The following CLEC4A variants were observed in gnomAD, a reference collection of about 807,000 sequenced individuals.
CLEC4A encodes the protein C-type (calcium dependent, carbohydrate-recognition domain) lectin, superfamily member 6.
In CLEC4A, 27 loss-of-function variants were observed where a neutral mutation model predicts 32.7. That is an observed-to-expected ratio of 0.83 (90% CI 0.61 to 1.14). CLEC4A has a LOEUF of 1.14. CLEC4A is among the 50% of genes most tolerant of loss of function. CLEC4A has a pLI of 0.00. For missense variants in CLEC4A, 253 were observed against 274.6 expected (o/e 0.92, Z 0.55); for synonymous variants, 89 against 93.7 (o/e 0.95, Z 0.29).
rs1407105516 is a variant in CLEC4A at position 8,134,153 on chromosome 12, C to T, written c.299-1432C>T. On this transcript the variant is annotated intron_variant, in intron 3 of 5. Transcript: ENST00000229332. ...TCTCACTTGGTTCTCGATACTGGTTCGCTTTCTCTTTCGGGCCTGCACGAG... is the reference window on the plus strand; with the variant it reads ...TCTCACTTGGTTCTCGATACTGGTTTGCTTTCTCTTTCGGGCCTGCACGAG... The T allele has an allele frequency of 3.0e-5, 48 of 1,607,316 alleles. 1 individual carries two copies. In the South Asian group the frequency reaches 4.9e-4, roughly 16 times the overall value.
At chr12:8,134,677 C>T (rs749039342) in intron 3 of CLEC4A, 4 of 1,581,414 alleles carry the variant, frequency 2.5e-6, no homozygotes, top group South Asian at 2.3e-5. Context: ...GGGGGAATCC[C>T]CCACTCCTCA....
At chr12:8,105,973 C>T in the CLEC4A span, among the ~76,000 whole-genome samples, 1 of 152,042 alleles carries the variant, frequency 6.6e-6, no homozygotes, top group Admixed American at 6.5e-5. Flanking sequence ...ATTCCTATGT[C>T]CAGAATGATA....
the CLEC4A span, among the ~76,000 whole-genome samples, chr12:8,113,026 T>G: frequency 6.6e-6 from 1 of 152,004 alleles, no homozygotes. Flanking sequence ...TGCAGGTTTG[T>G]TACATATGTA....
At chr12:8,112,691 T>C in the CLEC4A span, among the ~76,000 whole-genome samples, 21 of 152,292 alleles carry the variant, frequency 1.4e-4, no homozygotes, top group Middle Eastern at 3.4e-3. Context: ...AGTATTTCTT[T>C]GGAGTGGTTT....
At chr12:8,116,530 C>T in the CLEC4A span, among the ~76,000 whole-genome samples, 4 of 152,170 alleles carry the variant, frequency 2.6e-5, no homozygotes, top group Non-Finnish European at 5.9e-5. Context: ...GTTTATGACC[C>T]ATCTGTATTG....
At position 8,138,339 on chromosome 12, in the gene CLEC4A, G is replaced by A. The variant is rs761002118; in HGVS notation, c.*52G>A. ...TTGGATTGGTATCTGTCATTGTAGGGATAGATAATAAGCTCTTCTTATTCA... is the reference window on the plus strand; with the variant it reads ...TTGGATTGGTATCTGTCATTGTAGGAATAGATAATAAGCTCTTCTTATTCA... On this transcript the variant is annotated 3_prime_UTR_variant, in exon 6 of 6. Transcript: ENST00000229332. The A allele has an allele frequency of 6.2e-7, 1 of 1,601,744 alleles. No homozygotes were observed. The highest frequency in any genetic ancestry group is 8.5e-7 in the Non-Finnish European group (1 of 1,171,664).
the CLEC4A span, among the ~76,000 whole-genome samples, chr12:8,105,683 A>G: frequency 5.3e-5 from 8 of 152,058 alleles, no homozygotes; most frequent in African/African-American, 1.7e-4. Flanking sequence ...CTTGTTGGCC[A>G]TGTGTCTTCT....
the CLEC4A span, among the ~76,000 whole-genome samples, chr12:8,106,403 A>G: frequency 6.6e-6 from 1 of 152,158 alleles, no homozygotes; most frequent in African/African-American, 2.4e-5. Flanking sequence ...ATTTTAGAAT[A>G]GTTTTAAAAA....
intron 1 of CLEC4A, 28 bp from the exon 2 acceptor site, chr12:8,125,533 G>C: frequency 7.3e-7 from 1 of 1,361,434 alleles, no homozygotes; most frequent in Non-Finnish European, 1.1e-6. Flanking sequence ...ACTTATTACT[G>C]ATAAAACTAA....
the CLEC4A span, among the ~76,000 whole-genome samples, chr12:8,110,620 C>T: frequency 2.1e-4 from 32 of 152,118 alleles, no homozygotes; most frequent in African/African-American, 7.0e-4. Flanking sequence ...CAGTGTATAA[C>T]GGGGTCTTGT....
intron 2 of CLEC4A, among the ~76,000 whole-genome samples, chr12:8,128,498 C>T (rs939570368): frequency 1.9e-4 from 29 of 152,042 alleles, no homozygotes; most frequent in African/African-American, 7.0e-4. Context: ...GCAACCTCCG[C>T]CTCCCAGGTT....
upstream of CLEC4A, among the ~76,000 whole-genome samples, chr12:8,119,382 G>A (rs1267571751): frequency 4.6e-5 from 7 of 152,020 alleles, no homozygotes; most frequent in Admixed American, 2.0e-4. Context: ...GCACCACCAC[G>A]CCTGGCTAAT....
chr12:8,113,995 T>C, the CLEC4A span, among the ~76,000 whole-genome samples: 31 of 152,250 alleles, frequency 2.0e-4, no homozygotes, highest in South Asian at 3.9e-3. Context: ...CAGGGGGCAT[T>C]CGTACTTGTA....
chr12:8,114,403 C>G, the CLEC4A span, among the ~76,000 whole-genome samples: 4 of 152,136 alleles, frequency 2.6e-5, no homozygotes, highest in Non-Finnish European at 5.9e-5. Context: ...CGCCACCACG[C>G]CCGGCTAATT....
Position 8,135,669 on chromosome 12 carries a change from A to C in CLEC4A, c.383A>C (p.Gln128Pro), listed in dbSNP as rs1260650937. 1 of 1,614,216 alleles carries C rather than the reference A, an allele frequency of 6.2e-7. No individual in the cohort carries two copies. Among genetic ancestry groups the C allele is most frequent in the South Asian group, 1.1e-5 (1 of 91,090 alleles). Residue 128 changes from glutamine to proline, a missense_variant, in exon 4 of 6, where the codon CAA becomes CCA. Gln to Pro is a moderately conservative substitution (Grantham distance 76). Transcript: ENST00000229332. Reference sequence around the variant, plus strand: ...ATTTCTACTGAATCAGCATCTTGGCAAGACAGTGAGAAGGACTGTGCTAGA... The same window carrying C: ...ATTTCTACTGAATCAGCATCTTGGCCAGACAGTGAGAAGGACTGTGCTAGA... ...YFISTESASW[Q>P]DSEKDCARME...
At chr12:8,126,956 T>C (rs1342488259) in intron 2 of CLEC4A, among the ~76,000 whole-genome samples, 1 of 152,226 alleles carries the variant, frequency 6.6e-6, no homozygotes, top group Non-Finnish European at 1.5e-5. Context: ...CTGTATATCA[T>C]GATAAAGAGT....
At chr12:8,127,144 G>A (rs145272300) in intron 2 of CLEC4A, among the ~76,000 whole-genome samples, 1 of 152,234 alleles carries the variant, frequency 6.6e-6, no homozygotes. Context: ...ACTCACTCAT[G>A]TATATGTGGT....
At chr12:8,118,563 G>A in the CLEC4A span, among the ~76,000 whole-genome samples, 115 of 152,274 alleles carry the variant, frequency 7.6e-4, no homozygotes, top group Non-Finnish European at 1.1e-3. Flanking sequence ...CACTTCACAC[G>A]ACCAGAGCAG....
chr12:8,134,796 C>G, intron 3 of CLEC4A: 1 of 1,551,482 alleles, frequency 6.4e-7, no homozygotes, highest in Non-Finnish European at 8.7e-7. Context: ...TGGCCCATCA[C>G]CTCCACCGCC....
Sources: allele counts gnomAD v4.1 joint callset (sites outside exome capture counted in the v4.1 genomes callset), GRCh38; gene constraint gnomAD v4.1.1; transcripts MANE v1.5; gene names NCBI Gene and HGNC (gene_info 2026-07-23, HGNC 2026-07-21).